CENPK: variants seen among roughly 807,000 people sequenced by gnomAD.
CENPK encodes centromere protein K.
A neutral mutation model predicts 40.9 loss-of-function variants in CENPK; 46 were observed. The ratio of observed to expected loss-of-function variants is 1.13; its 90% CI spans 0.89 to 1.44. The LOEUF is 1.44. CENPK is among the 40% of genes most tolerant of loss of function. The probability of loss-of-function intolerance (pLI) is 0.00; values close to 1 mark genes in which losing one functional copy is unlikely to be tolerated. For synonymous variants in CENPK, 107 were observed against 104.4 expected (o/e 1.02, Z -0.15); for missense variants, 288 against 303.5 (o/e 0.95, Z 0.38).
intron 9 of CENPK, among the ~76,000 whole-genome samples, chr5:65,527,498 CATATATATAT>C (rs70983674): frequency 0.011 from 1,037 of 90,672 alleles, 9 homozygotes; most frequent in Middle Eastern, 0.014. Context: ...TTATTAACAC[CATATATATAT>C]ATATATATAT....
chr5:65,503,371 T>G, the CENPK span, among the ~76,000 whole-genome samples: 1 of 152,028 alleles, frequency 6.6e-6, no homozygotes, highest in African/African-American at 2.4e-5. Context: ...CCTCCCAGAG[T>G]GCTGTTCTGC....
chr5:65,552,640 A>C, intron 3 of CENPK, 91 bp from the exon 4 acceptor site: 2 of 654,334 alleles, frequency 3.1e-6, no homozygotes, highest in Admixed American at 2.9e-5. Flanking sequence ...CCAATATAAC[A>C]CTCTTCTAAA....
At chr5:65,533,842 A>G (rs1580968142) in intron 6 of CENPK, among the ~76,000 whole-genome samples, 2 of 152,116 alleles carry the variant, frequency 1.3e-5, no homozygotes, top group Non-Finnish European at 2.9e-5. Flanking sequence ...GGAGATCGAG[A>G]CCATCCTGGC....
intron 6 of CENPK, among the ~76,000 whole-genome samples, chr5:65,539,825 C>A (rs74559623): frequency 0.015 from 2,225 of 152,342 alleles, 47 homozygotes; most frequent in African/African-American, 0.051. Context: ...ACTTTCTGCA[C>A]CCTGGAGGAG....
downstream of CENPK, among the ~76,000 whole-genome samples, chr5:65,516,156 G>A (rs1742841733): frequency 6.6e-6 from 1 of 152,096 alleles, no homozygotes; most frequent in African/African-American, 2.4e-5. Context: ...TGGGGAAGAG[G>A]GGAACATGAA....
chr5:65,561,655 A>G (rs1751989777), intron 1 of CENPK, 91 bp from the exon 2 acceptor site: 1 of 295,270 alleles, frequency 3.4e-6, no homozygotes, highest in Non-Finnish European at 7.2e-6. Context: ...CACATTTTGT[A>G]TCCTTAAACC....
In CENPK at chr5:65,563,166, T is replaced by A; in HGVS notation, c.-210A>T. ...GAAGCGCTTGCCAGCCCCGGACTTC[T>A]GCGCGCGCTGCATGCCCATTGGATG... On this transcript the variant is annotated 5_prime_UTR_variant, in exon 1 of 11. Transcript: ENST00000396679. 9.1e-7 allele frequency: 1 copy of A among 1,104,688 alleles called. No individual in the cohort carries two copies. The highest frequency in any genetic ancestry group is 1.3e-6 in the Non-Finnish European group (1 of 787,032). The allele number at this position is 1,104,688 out of a possible 1,614,324, so 68.4% of individuals were successfully genotyped here. A position where few individuals can be genotyped will look rare whatever the true frequency, so the allele number is the denominator to read the frequency against.
chr5:65,509,601 T>C, the CENPK span, among the ~76,000 whole-genome samples: 1 of 152,346 alleles, frequency 6.6e-6, no homozygotes, highest in East Asian at 1.9e-4. Flanking sequence ...CTATAAAAAT[T>C]CATATGCAGG....
At chr5:65,529,070 C>A in intron 7 of CENPK, 47 bp downstream of exon 7, 1 of 1,538,898 alleles carries the variant, frequency 6.5e-7, no homozygotes, top group East Asian at 2.3e-5. Context: ...CTTTAAATGT[C>A]ACTTAATATA....
the CENPK span, among the ~76,000 whole-genome samples, chr5:65,508,759 C>G: frequency 7.1e-6 from 1 of 140,356 alleles, no homozygotes; most frequent in Non-Finnish European, 1.5e-5. Context: ...GCACTCCAGC[C>G]TGGGTGCGAC....
At chr5:65,506,449 G>C in the CENPK span, among the ~76,000 whole-genome samples, 23 of 151,886 alleles carry the variant, frequency 1.5e-4, no homozygotes, top group East Asian at 4.1e-3. Context: ...AGGAGTTCAG[G>C]GCCAGCCTGG....
Position 65,521,519 on chromosome 5 carries a change from G to A in CENPK, c.607C>T (p.Gln203Ter). ...RSVKKKKKNI[Q>*]ESSVNLITLH... ...GTTATCAGGTTTACAGATGATTCTT[G>A]AATGTTTTTCTTCAAGAGAAATGTG... Residue 203 changes from glutamine to a stop codon, truncating the protein, a stop_gained, in exon 10 of 11, where the codon CAA becomes TAA. Transcript: ENST00000396679. LOFTEE classifies it high-confidence loss of function. 1 of 1,604,284 alleles carries A rather than the reference G, an allele frequency of 6.2e-7. No individual in the cohort carries two copies. Among genetic ancestry groups the A allele is most frequent in the Non-Finnish European group, 8.5e-7 (1 of 1,172,608 alleles).
At chr5:65,511,218 G>A in the CENPK span, among the ~76,000 whole-genome samples, 1 of 152,166 alleles carries the variant, frequency 6.6e-6, no homozygotes, top group South Asian at 2.1e-4. Flanking sequence ...GGTTCATGAG[G>A]TTTAAGGAAA....
chr5:65,502,190 T>A, the CENPK span, among the ~76,000 whole-genome samples: 1 of 152,180 alleles, frequency 6.6e-6, no homozygotes, highest in African/African-American at 2.4e-5. Context: ...GTTGAAAAGT[T>A]TTCTGTCTTA....
At chr5:65,497,958 T>C in the CENPK span, among the ~76,000 whole-genome samples, 1 of 152,204 alleles carries the variant, frequency 6.6e-6, no homozygotes, top group Non-Finnish European at 1.5e-5. Context: ...AGTGTGGAGT[T>C]TGTAACATCT....
At chr5:65,528,622 C>T in intron 8 of CENPK, 44 bp from the exon 9 acceptor site, 2 of 1,446,188 alleles carry the variant, frequency 1.4e-6, no homozygotes, top group Non-Finnish European at 9.1e-7. Context: ...ACTGATAAAA[C>T]ACATACACAC....
At chr5:65,562,737 G>A (rs140588547) in intron 1 of CENPK, 1 of 152,824 alleles carries the variant, frequency 6.5e-6, no homozygotes, top group East Asian at 1.9e-4. Flanking sequence ...TTCTGCCCTA[G>A]GTCTTTTGGT....
chr5:65,551,878 A>G (rs559267984), intron 4 of CENPK, among the ~76,000 whole-genome samples: 1 of 152,100 alleles, frequency 6.6e-6, no homozygotes, highest in South Asian at 2.1e-4. Flanking sequence ...TTAGGCCAAG[A>G]GTAAAATCAA....
chr5:65,518,978 G>C (rs1561610308), intron 10 of CENPK, among the ~76,000 whole-genome samples: 1 of 152,040 alleles, frequency 6.6e-6, no homozygotes, highest in Non-Finnish European at 1.5e-5. Context: ...AAGTTAAAAA[G>C]AAAGTGAGCA....
Sources: gnomAD v4.1 joint callset for allele counts (sites outside exome capture counted in the v4.1 genomes callset) on GRCh38, gnomAD v4.1.1 for gene constraint, MANE v1.5 for transcripts, NCBI Gene and HGNC (gene_info 2026-07-23, HGNC 2026-07-21) for gene names.